Variants in NSMCE2 observed in about 807,000 individuals in gnomAD.
NSMCE2 encodes E3 SUMO-protein ligase NSE2.
Under a neutral mutation model 23.8 loss-of-function variants are expected in NSMCE2, and 24 were observed. The ratio of observed to expected loss-of-function variants is 1.01; its 90% CI spans 0.73 to 1.42. The LOEUF is 1.42. NSMCE2 is among the 40% of genes most tolerant of loss of function. NSMCE2 has a pLI of 0.00. For synonymous variants in NSMCE2, 92 were observed against 94.1 expected, an observed-to-expected ratio of 0.98 and a Z score of 0.13; for missense variants, 284 against 296.5, an observed-to-expected ratio of 0.96 and a Z score of 0.31.
At chr8:125,166,365 C>T (rs1372593895) in intron 4 of NSMCE2, among the ~76,000 whole-genome samples, 1 of 152,118 alleles carries the variant, frequency 6.6e-6, no homozygotes, top group Non-Finnish European at 1.5e-5. Flanking sequence ...CTCCCAGGTT[C>T]AAGAGATTCT....
intron 1 of NSMCE2, among the ~76,000 whole-genome samples, chr8:125,100,846 C>G (rs896713735): frequency 2.6e-5 from 4 of 152,204 alleles, no homozygotes; most frequent in Admixed American, 6.5e-5. Context: ...CAGGTGTGAG[C>G]CATTGCGCCT....
At chr8:125,169,168 C>T (rs1024733331) in intron 4 of NSMCE2, among the ~76,000 whole-genome samples, 1 of 152,194 alleles carries the variant, frequency 6.6e-6, no homozygotes, top group African/African-American at 2.4e-5. Flanking sequence ...GTCACTCCTC[C>T]ATAATCTCTT....
At chr8:125,366,513 C>G (rs905389300) in intron 7 of NSMCE2, among the ~76,000 whole-genome samples, 3 of 151,984 alleles carry the variant, frequency 2.0e-5, no homozygotes, top group African/African-American at 7.3e-5. Context: ...GCACTCCAGA[C>G]TCCGTCTCAG....
chr8:125,123,410 C>T (rs1819361170), intron 3 of NSMCE2, among the ~76,000 whole-genome samples: 1 of 152,222 alleles, frequency 6.6e-6, no homozygotes, highest in Admixed American at 6.5e-5. Context: ...TATCACTCAA[C>T]AAATTTATAA....
intron 1 of NSMCE2, chr8:125,094,551 A>G (rs1817836953): frequency 6.6e-6 from 1 of 152,204 alleles, no homozygotes; most frequent in Non-Finnish European, 1.5e-5. Context: ...TTGCATTCAA[A>G]CAAATAGTGA....
intron 3 of NSMCE2, among the ~76,000 whole-genome samples, chr8:125,112,647 A>G (rs1818821383): frequency 6.6e-6 from 1 of 152,216 alleles, no homozygotes; most frequent in South Asian, 2.1e-4. Context: ...TCACAGAAAG[A>G]TAAATAGTGC....
At chr8:125,164,027 C>T (rs1253208078) in intron 4 of NSMCE2, among the ~76,000 whole-genome samples, 1 of 152,200 alleles carries the variant, frequency 6.6e-6, no homozygotes, top group Non-Finnish European at 1.5e-5. Context: ...ATGAATCCAC[C>T]TCTCTTCTAG....
chr8:125,284,012 G>A (rs548818820), intron 5 of NSMCE2, among the ~76,000 whole-genome samples: 7 of 152,072 alleles, frequency 4.6e-5, no homozygotes, highest in Admixed American at 2.6e-4. Context: ...AAATTAGCTG[G>A]GCGTGGTGGC....
At chr8:125,099,089 C>G (rs1818067640) in intron 1 of NSMCE2, among the ~76,000 whole-genome samples, 1 of 152,088 alleles carries the variant, frequency 6.6e-6, no homozygotes, top group Non-Finnish European at 1.5e-5. Context: ...GTTTTAGGTG[C>G]TTGGAATACA....
At chr8:125,229,989 GAATC>G (rs1056575615) in intron 5 of NSMCE2, among the ~76,000 whole-genome samples, 3 of 152,068 alleles carry the variant, frequency 2.0e-5, no homozygotes, top group African/African-American at 7.2e-5. Context: ...ATTTAGTTGA[GAATC>G]AAATGATAAA....
intron 1 of NSMCE2, among the ~76,000 whole-genome samples, chr8:125,094,087 A>G (rs917984635): frequency 6.6e-6 from 1 of 152,038 alleles, no homozygotes; most frequent in Admixed American, 6.5e-5. Flanking sequence ...TATAGGCATG[A>G]GCCACCACAC....
intron 5 of NSMCE2, among the ~76,000 whole-genome samples, chr8:125,195,471 A>G (rs1225148914): frequency 6.6e-6 from 1 of 152,214 alleles, no homozygotes; most frequent in Non-Finnish European, 1.5e-5. Context: ...AAGCACATAC[A>G]TATAAGTCAC....
At chr8:125,337,621 G>T (rs898663754) in intron 5 of NSMCE2, among the ~76,000 whole-genome samples, 1 of 152,132 alleles carries the variant, frequency 6.6e-6, no homozygotes, top group South Asian at 2.1e-4. Context: ...TTGGCCGGGC[G>T]TGGTGGCTCA....
intron 5 of NSMCE2, among the ~76,000 whole-genome samples, chr8:125,303,360 C>G (rs1025310094): frequency 5.3e-5 from 8 of 152,148 alleles, no homozygotes; most frequent in African/African-American, 1.9e-4. Context: ...CTTTGGAATT[C>G]TGATTCATTT....
At chr8:125,346,607 G>T (rs556151267) in intron 5 of NSMCE2, among the ~76,000 whole-genome samples, 34 of 152,240 alleles carry the variant, frequency 2.2e-4, no homozygotes, top group Non-Finnish European at 4.4e-4. Flanking sequence ...TAGAATGTGT[G>T]CATTAGATTT....
intron 5 of NSMCE2, among the ~76,000 whole-genome samples, chr8:125,260,946 C>A (rs1193190291): frequency 1.3e-5 from 2 of 151,972 alleles, no homozygotes; most frequent in East Asian, 3.9e-4. Context: ...TTCAGATATA[C>A]CCTATGGCAC....
chr8:125,211,043 A>G (rs16900444), intron 5 of NSMCE2, among the ~76,000 whole-genome samples: 2,944 of 152,010 alleles, frequency 0.019, 87 homozygotes, highest in African/African-American at 0.068. Context: ...TCCCAGATTG[A>G]TTTCATTCCC....
chr8:125,219,079 C>A (rs954267164), intron 5 of NSMCE2, among the ~76,000 whole-genome samples: 1 of 152,118 alleles, frequency 6.6e-6, no homozygotes, highest in African/African-American at 2.4e-5. Context: ...GATAAAATCC[C>A]TGAACACCAG....
chr8:125,214,127 T>C (rs1215313463), intron 5 of NSMCE2, among the ~76,000 whole-genome samples: 1 of 152,202 alleles, frequency 6.6e-6, no homozygotes, highest in African/African-American at 2.4e-5. Context: ...CCCTAAGTAC[T>C]CTTCCCATTT....
Sources: allele counts gnomAD v4.1 joint callset (sites outside exome capture counted in the v4.1 genomes callset), GRCh38; gene constraint gnomAD v4.1.1; transcripts MANE v1.5; gene names NCBI Gene and HGNC (gene_info 2026-07-23, HGNC 2026-07-21).